The following SATB1 variants were observed in gnomAD, a reference collection of about 807,000 sequenced individuals.
SATB1 encodes SATB homeobox 1, also known as DNA-binding protein SATB1.
Under a neutral mutation model 86.9 loss-of-function variants are expected in SATB1, and 11 were observed. The observed-to-expected ratio is 0.13, with a 90% CI of 0.08 to 0.21. SATB1 has a LOEUF of 0.21. Ranked by LOEUF, SATB1 falls within the 10% of genes least tolerant of loss-of-function variation. The pLI, the probability that SATB1 is intolerant of heterozygous loss-of-function variation, is 1.00. For synonymous variants in SATB1, 357 were observed against 357.2 expected (o/e 1.00, Z 0.01); for missense variants, 551 against 937.6 (o/e 0.59, Z 5.39).
rs1198109006 is a variant in SATB1 at position 18,352,091 on chromosome 3, C to T, written c.1680G>A (p.Gln560=). ...SMIRRFLSLP[Q]PERDAIYEQE... ...GTTCATAAATGGCATCACGTTCTGG[C>T]TGAGGAAGACTGAGGAACCTTCGGA... Residue 560 remains glutamine, a synonymous_variant, in exon 10 of 11, where the codon CAG becomes CAA. Transcript: ENST00000338745. The surrounding 1 kb of genome is among the most constrained non-coding windows in gnomAD (Gnocchi z 4.1). 6.2e-7 allele frequency: 1 copy of T among 1,614,044 alleles called. No individual in the cohort carries two copies. Among genetic ancestry groups the T allele is most frequent in the East Asian group, 2.2e-5 (1 of 44,884 alleles).
In SATB1 at chr3:18,389,289, G is replaced by A. The variant is rs548722715; in HGVS notation, c.1207-2678C>T. Among the ~76,000 whole-genome samples, 17 of 138,254 alleles carry A rather than the reference G, an allele frequency of 1.2e-4. No homozygotes were observed. In the East Asian group the frequency reaches 3.7e-3, roughly 30 times the overall value. 90.7% of individuals were successfully genotyped at this position (138,254 alleles called of 152,430 possible). A position where few individuals can be genotyped will look rare whatever the true frequency, so the allele number is the denominator to read the frequency against. On this transcript the variant is annotated intron_variant, in intron 7 of 10. Coordinates refer to ENST00000338745, the MANE Select transcript of SATB1 (RefSeq NM_002971.6). ...TTTTTTTTTTTTTTTTTGGCCCAGA[G>A]CTTTCAATGAGGGGAGTGCCCCCTG...
Position 18,386,719 on chromosome 3 carries a change from G to T in SATB1, c.1207-108C>A. 1 of 821,026 alleles carries T rather than the reference G, an allele frequency of 1.2e-6. No homozygotes were observed. Among genetic ancestry groups the T allele is most frequent in the Non-Finnish European group, 2.0e-6 (1 of 500,674 alleles). The allele number at this position is 821,026 out of a possible 1,614,324, so 50.9% of individuals were successfully genotyped here. On this transcript the variant is annotated intron_variant, in intron 7 of 10. Coordinates refer to ENST00000338745, the MANE Select transcript of SATB1 (RefSeq NM_002971.6). The surrounding 1 kb of genome is among the most constrained non-coding windows in gnomAD (Gnocchi z 4.5). ...CTGTTTAGAAAATGAACAGTCAGAG[G>T]CATTAATTCTGCATAGGAATATATT... is the stretch of plus-strand genomic sequence containing the variant.
chr3:18,359,136 A>G (rs1480141187), intron 9 of SATB1, among the ~76,000 whole-genome samples: 1 of 152,002 alleles, frequency 6.6e-6, no homozygotes, highest in African/African-American at 2.4e-5. Context: ...AAAGGTGCAA[A>G]TCATTTGTTT....
intron 2 of SATB1, among the ~76,000 whole-genome samples, chr3:18,431,479 C>T (rs561497379): frequency 1.3e-4 from 20 of 152,246 alleles, no homozygotes; most frequent in African/African-American, 3.9e-4. Flanking sequence ...AGTCTTAGGA[C>T]GTAAAACCAG....
chr3:18,421,037 T>C (rs1365636286), intron 1 of SATB1, 46 bp from the exon 2 acceptor site: 1 of 1,308,458 alleles, frequency 7.6e-7, no homozygotes, highest in Non-Finnish European at 1.1e-6. Context: ...GGCGGGGACC[T>C]ACGTGTATAT....
At chr3:18,417,646 G>T (rs1285734649) in intron 2 of SATB1, 1 of 697,402 alleles carries the variant, frequency 1.4e-6, no homozygotes. Flanking sequence ...GCTCTAACTG[G>T]TTCCACAAAA....
Position 18,444,630 on chromosome 3 carries a change from C to A in SATB1, c.-25+888G>T. 3 of 984,974 alleles carry A rather than the reference C, an allele frequency of 3.0e-6. No individual in the cohort carries two copies. The highest frequency in any genetic ancestry group is 3.6e-6 in the Non-Finnish European group (3 of 829,926). The allele number at this position is 984,974 out of a possible 1,614,324, so 61.0% of individuals were successfully genotyped here. ...ACTCAGGCATGGACGTTGGGGGCGG[C>A]GGTGGCTGTCGAGTGCGGGCCTGAA... On this transcript the variant is annotated intron_variant, in intron 1 of 3. Transcript: ENST00000415069. This position sits in a 1 kb window ranked among gnomAD's most constrained non-coding sequence, Gnocchi z 5.1.
At chr3:18,361,938 T>C (rs558062230) in intron 9 of SATB1, among the ~76,000 whole-genome samples, 2 of 152,314 alleles carry the variant, frequency 1.3e-5, no homozygotes, top group African/African-American at 4.8e-5. Context: ...TGGTCATCTC[T>C]AGGTGATTAA....
chr3:18,434,102 CTA>C (rs1698979342), intron 2 of SATB1, among the ~76,000 whole-genome samples: 1 of 152,044 alleles, frequency 6.6e-6, no homozygotes, highest in Non-Finnish European at 1.5e-5. Flanking sequence ...CACTATTCTT[CTA>C]TTACTTTTAC....
chr3:18,421,141 T>A (rs1055088540), intron 1 of SATB1, 150 bp from the exon 2 acceptor site: 1 of 595,398 alleles, frequency 1.7e-6, no homozygotes, highest in Admixed American at 3.0e-5. Context: ...CAGATGTTAC[T>A]ATATTTCTAG....
At chr3:18,437,228 C>T (rs757552358) in intron 1 of SATB1, among the ~76,000 whole-genome samples, 1 of 151,496 alleles carries the variant, frequency 6.6e-6, no homozygotes, top group African/African-American at 2.4e-5. Flanking sequence ...CATCAAAAAA[C>T]AAGAAAACAT....
chr3:18,403,845 T>G (rs1232495721), intron 5 of SATB1, among the ~76,000 whole-genome samples: 3 of 152,042 alleles, frequency 2.0e-5, no homozygotes, highest in Non-Finnish European at 4.4e-5. Context: ...ACTACTGGCT[T>G]TTATTATATT....
At chr3:18,429,636 C>T (rs558160728), upstream of SATB1, among the ~76,000 whole-genome samples, 3 of 152,310 alleles carry the variant, frequency 2.0e-5, no homozygotes, top group Admixed American at 6.5e-5. The surrounding 1 kb of genome is among the most constrained non-coding windows in gnomAD (Gnocchi z 4.1). Context: ...GGAAAGGAAG[C>T]TGCCTCATGC....
At chr3:18,423,472 T>C (rs1167853712) in intron 1 of SATB1, among the ~76,000 whole-genome samples, 155 bp downstream of exon 1, 3 of 152,180 alleles carry the variant, frequency 2.0e-5, no homozygotes, top group Admixed American at 1.3e-4. Flanking sequence ...AATCACATTT[T>C]AAGATTGTGC....
Position 18,346,490 on chromosome 3 carries a change from GATC to G in SATB1, c.*2677_*2679del, listed in dbSNP as rs1198209238. The G allele has an allele frequency of 2.6e-5, 4 of 152,122 alleles. No homozygotes were observed. The highest frequency in any genetic ancestry group is 9.6e-5 in the African/African-American group (4 of 41,510). The allele number at this position is 152,122 out of a possible 1,614,324, so 9.4% of individuals were successfully genotyped here. A position where few individuals can be genotyped will look rare whatever the true frequency, so the allele number is the denominator to read the frequency against. Reference sequence around the variant, plus strand: ...ATGACATTGGGGGAGCAATATGGAAGATCATCTGGGCAAGTCTTTTCTAAAATG... The same window carrying G: ...ATGACATTGGGGGAGCAATATGGAAGATCTGGGCAAGTCTTTTCTAAAATG... On this transcript the variant is annotated 3_prime_UTR_variant, in exon 11 of 11. Coordinates refer to ENST00000338745, the MANE Select transcript of SATB1 (RefSeq NM_002971.6).
chr3:18,430,063 A>G (rs961604121), upstream of SATB1, among the ~76,000 whole-genome samples: 3 of 152,250 alleles, frequency 2.0e-5, no homozygotes, highest in African/African-American at 7.2e-5. Flanking sequence ...ATTAATTTAA[A>G]TGAAATTTAT....
intron 9 of SATB1, among the ~76,000 whole-genome samples, chr3:18,362,881 A>AAAAAAC (rs373536891): frequency 0.092 from 9,760 of 105,700 alleles, 1,062 homozygotes; most frequent in Non-Finnish European, 0.13. Flanking sequence ...AAAAAAAAAA[A>AAAAAAC]CCAAAACCCC....
rs192484732 is a variant in SATB1, at chr3:18,349,863, G to A, written c.1780-181C>T. The A allele has an allele frequency of 1.1e-3, 1,161 of 1,089,080 alleles. 1 individual carries two copies. The highest frequency in any genetic ancestry group is 1.4e-3 in the Admixed American group (49 of 34,210). 67.5% of individuals were successfully genotyped at this position (1,089,080 alleles called of 1,614,324 possible). A position where few individuals can be genotyped will look rare whatever the true frequency, so the allele number is the denominator to read the frequency against. The stretch of plus-strand genomic sequence containing the variant: ...ACAGCATTTACAAAAAAATCAAAAT[G>A]ATATGACTAGGAAGGGATGAATTAA... On this transcript the variant is annotated intron_variant, in intron 10 of 10. Coordinates refer to ENST00000338745, the MANE Select transcript of SATB1 (RefSeq NM_002971.6). The surrounding 1 kb of genome is among the most constrained non-coding windows in gnomAD (Gnocchi z 5.5).
Position 18,425,138 on chromosome 3 carries a change from C to CCTG in SATB1, c.-1539_-1537dup, listed in dbSNP as rs1287358635. The CCTG allele has an allele frequency of 8.2e-4, 144 of 175,842 alleles. No individual in the cohort carries two copies. Among genetic ancestry groups the CCTG allele is most frequent in the African/African-American group, 2.8e-3 (115 of 41,794 alleles). 10.9% of individuals were successfully genotyped at this position (175,842 alleles called of 1,614,324 possible). A position where few individuals can be genotyped will look rare whatever the true frequency, so the allele number is the denominator to read the frequency against. ...GGCTGCAGCCCTCTCCGCCGCTGCTCCTGCTGCTGCTGCCGCCGCCGCCGC... is the reference window on the plus strand; with the variant it reads ...GGCTGCAGCCCTCTCCGCCGCTGCTCCTGCTGCTGCTGCTGCCGCCGCCGCCGC... On this transcript the variant is annotated 5_prime_UTR_variant, in exon 1 of 11. Coordinates refer to ENST00000338745, the MANE Select transcript of SATB1 (RefSeq NM_002971.6).
Sources: allele counts gnomAD v4.1 joint callset (sites outside exome capture counted in the v4.1 genomes callset), GRCh38; gene constraint gnomAD v4.1.1; non-coding constraint Gnocchi (gnomAD v3.1); transcripts MANE v1.5; gene names NCBI Gene and HGNC (gene_info 2026-07-23, HGNC 2026-07-21).